PCDHA11: variants seen among roughly 807,000 people sequenced by gnomAD.
The protein encoded by PCDHA11 is protocadherin alpha 11.
A neutral mutation model predicts 70.3 loss-of-function variants in PCDHA11; 61 were observed. That is an observed-to-expected ratio of 0.87 (90% CI 0.71 to 1.07). PCDHA11 has a LOEUF of 1.07. Among genes scored for constraint, PCDHA11 ranks in the 50% least tolerant of loss-of-function variants. The pLI, the probability that PCDHA11 is intolerant of heterozygous loss-of-function variation, is 0.00. For missense variants in PCDHA11, 1,324 were observed against 1,237.5 expected (o/e 1.07, Z -1.05); for synonymous variants, 633 against 555.1 (o/e 1.14, Z -1.97).
At chr5:140,883,027 G>A in intron 1 of PCDHA11, 1 of 1,614,126 alleles carries the variant, frequency 6.2e-7, no homozygotes, top group Non-Finnish European at 8.5e-7. Context: ...CGGTGTTAGA[G>A]AACGCCTTCA....
At chr5:140,927,688 G>C in intron 1 of PCDHA11, 1 of 1,614,062 alleles carries the variant, frequency 6.2e-7, no homozygotes, top group Non-Finnish European at 8.5e-7. Context: ...AGGGTCCAAT[G>C]GGGAAGTCCA....
chr5:140,961,599 G>A (rs1012408317), intron 1 of PCDHA11, among the ~76,000 whole-genome samples: 3 of 152,062 alleles, frequency 2.0e-5, no homozygotes, highest in Non-Finnish European at 4.4e-5. Flanking sequence ...AATGATTCTA[G>A]TAAATGAAAC....
At chr5:140,881,350 T>G (rs1189745119) in intron 1 of PCDHA11, 10 of 985,236 alleles carry the variant, frequency 1.0e-5, no homozygotes, top group Non-Finnish European at 1.2e-5. Context: ...CGGGCTACAA[T>G]GCGTGGCTTT....
rs1029317869 is a variant in PCDHA11 at position 140,928,735 on chromosome 5, A to G, written c.2392-50214A>G. ...TAGTCTCTTTAGAATTTCAGCCAAT[A>G]TAGGTGAGCTCCGTACTGCTCGCTT... On this transcript the variant is annotated intron_variant, in intron 1 of 3. Coordinates refer to ENST00000398640, the MANE Select transcript of PCDHA11 (RefSeq NM_018902.5). 35 of 1,614,082 alleles carry G rather than the reference A, an allele frequency of 2.2e-5. No individual in the cohort carries two copies. The highest frequency in any genetic ancestry group is 2.9e-5 in the Non-Finnish European group (34 of 1,180,020).
chr5:140,972,957 C>T (rs369707081), intron 1 of PCDHA11, among the ~76,000 whole-genome samples: 1 of 152,054 alleles, frequency 6.6e-6, no homozygotes, highest in East Asian at 1.9e-4. Context: ...CCACCATGCC[C>T]GGCAAAGGAA....
rs149287754 is a variant in PCDHA11, at chr5:140,962,549, G to T, written c.2392-16400G>T. Reference sequence around the variant, plus strand: ...GTTTTTTAGAACTAAAAATGTAGAGGATCTCCCCCTAAAAGCCAATTGTTA... The same window carrying T: ...GTTTTTTAGAACTAAAAATGTAGAGTATCTCCCCCTAAAAGCCAATTGTTA... On this transcript the variant is annotated intron_variant, in intron 1 of 3. Coordinates refer to ENST00000398640, the MANE Select transcript of PCDHA11 (RefSeq NM_018902.5). 1.3e-3 allele frequency among the ~76,000 whole-genome samples: 202 copies of T among 152,208 alleles called. 3 individuals carry two copies. The highest frequency in any genetic ancestry group is 4.3e-4 in the Non-Finnish European group (29 of 68,014).
At chr5:141,001,536 A>G (rs562513933) in intron 3 of PCDHA11, among the ~76,000 whole-genome samples, 153 of 152,240 alleles carry the variant, frequency 1.0e-3, no homozygotes, top group African/African-American at 3.5e-3. Context: ...CTGATCCTGG[A>G]CAGGATTTGG....
Position 140,978,953 on chromosome 5 carries a change from G to A in PCDHA11, c.2396G>A (p.Arg799Gln), listed in dbSNP as rs781913955. The A allele has an allele frequency of 1.4e-5, 23 of 1,613,930 alleles. No homozygotes were observed. In the South Asian group the frequency reaches 2.0e-4, roughly 14 times the overall value. Residue 799 changes from arginine to glutamine, a missense_variant, in exon 2 of 4, where the codon CGA becomes CAA. Arg to Gln is a conservative substitution (Grantham distance 43, BLOSUM62 1). Transcript: ENST00000398640. ...EPGSNHPGQP[R>Q]QPNPDWRYSA... ...ACTCTCTTTGTGATTTTGCAGCCAC[G>A]ACAGCCCAACCCTGACTGGCGTTAC...
chr5:140,969,292 C>G, intron 1 of PCDHA11: 2 of 1,614,208 alleles, frequency 1.2e-6, no homozygotes, highest in Non-Finnish European at 1.7e-6. Context: ...ATGCTGGGAA[C>G]CTGATTATTC....
chr5:140,992,017 CTGTGTGTGTGTG>C (rs10602499), intron 3 of PCDHA11, among the ~76,000 whole-genome samples: 3 of 145,512 alleles, frequency 2.1e-5, no homozygotes, highest in South Asian at 2.2e-4. Flanking sequence ...AGAGGTGGCT[CTGTGTGTGTGTG>C]TGTGTGTGTG....
chr5:140,922,726 C>T lies in PCDHA11; in HGVS notation c.2391+51232C>T, dbSNP rs118091551. On this transcript the variant is annotated intron_variant, in intron 1 of 3. Coordinates refer to ENST00000398640, the MANE Select transcript of PCDHA11 (RefSeq NM_018902.5). ...GTCAAGAACAAAAAGAAACACTTGA[C>T]AAGGTTGAGAAAAATAAATGGAAAA... is the stretch of plus-strand genomic sequence containing the variant. 6.6e-5 allele frequency among the ~76,000 whole-genome samples: 10 copies of T among 152,012 alleles called. No homozygotes were observed. The East Asian group carries it at 1.9e-3, about 29-fold the overall frequency.
chr5:140,906,316 A>G (rs191261196), intron 1 of PCDHA11, among the ~76,000 whole-genome samples: 377 of 152,344 alleles, frequency 2.5e-3, no homozygotes, highest in African/African-American at 8.6e-3. Flanking sequence ...TATTCCCAAC[A>G]TGATACAACT....
At chr5:141,003,046 A>C (rs530303478) in intron 3 of PCDHA11, among the ~76,000 whole-genome samples, 76 of 152,356 alleles carry the variant, frequency 5.0e-4, no homozygotes, top group African/African-American at 1.8e-3. Context: ...TCCTGGCCTT[A>C]ACAGAACAGT....
Position 140,870,478 on chromosome 5 carries a change from T to C in PCDHA11, c.1375T>C (p.Tyr459His), listed in dbSNP as rs782114058. The C allele has an allele frequency of 6.2e-7, 1 of 1,614,112 alleles. No individual in the cohort carries two copies. Among genetic ancestry groups the C allele is most frequent in the Admixed American group, 1.7e-5 (1 of 60,028 alleles). ...TGCGCCTGCGTTCGCACAGCCCGAG[T>C]ACACCGTGTTCGTGAAGGAGAACAA... The part of the protein sequence containing the change: ...DNAPAFAQPE[Y>H]TVFVKENNPP... Residue 459 changes from tyrosine to histidine, a missense_variant, in exon 1 of 4, where the codon TAC becomes CAC. Tyr to His is a moderately conservative substitution (Grantham distance 83). Coordinates refer to ENST00000398640, the MANE Select transcript of PCDHA11 (RefSeq NM_018902.5).
intron 1 of PCDHA11, among the ~76,000 whole-genome samples, chr5:140,957,575 T>C (rs1437290620): frequency 6.6e-6 from 1 of 152,152 alleles, no homozygotes; most frequent in African/African-American, 2.4e-5. Flanking sequence ...ACTACTGTAC[T>C]TTTAACAAAG....
chr5:140,875,629 G>A, intron 1 of PCDHA11: 1 of 1,613,758 alleles, frequency 6.2e-7, no homozygotes, highest in Non-Finnish European at 8.5e-7. Flanking sequence ...TCAGGACCTG[G>A]GGCTGGAGCT....
chr5:140,930,841 A>T (rs2087150671), intron 1 of PCDHA11, among the ~76,000 whole-genome samples: 1 of 152,230 alleles, frequency 6.6e-6, no homozygotes, highest in South Asian at 2.1e-4. Context: ...ATGAATAAAT[A>T]TGTGCATATA....
intron 1 of PCDHA11, among the ~76,000 whole-genome samples, chr5:140,908,385 G>A (rs1318647483): frequency 6.6e-6 from 1 of 152,222 alleles, no homozygotes. Context: ...GCTCGAGCCC[G>A]ATCACATATA....
rs542875982 is a variant in PCDHA11 at position 140,939,696 on chromosome 5, T to C, written c.2392-39253T>C. On this transcript the variant is annotated intron_variant, in intron 1 of 3. Coordinates refer to ENST00000398640, the MANE Select transcript of PCDHA11 (RefSeq NM_018902.5). Reference sequence around the variant, plus strand: ...TATGTATGTGTGTGTTGCTGGACATTATCATTTGTGAGATACATTTATATT... The same window carrying C: ...TATGTATGTGTGTGTTGCTGGACATCATCATTTGTGAGATACATTTATATT... Among the ~76,000 whole-genome samples the C allele has an allele frequency of 1.6e-4, 24 of 152,340 alleles. No homozygotes were observed. The East Asian group carries it at 2.7e-3, about 17-fold the overall frequency.
Sources: allele counts gnomAD v4.1 joint callset (sites outside exome capture counted in the v4.1 genomes callset), GRCh38; gene constraint gnomAD v4.1.1; transcripts MANE v1.5; gene names NCBI Gene and HGNC (gene_info 2026-07-23, HGNC 2026-07-21).